The following ZNF787 variants were observed in gnomAD, a reference collection of about 807,000 sequenced individuals.
The protein encoded by ZNF787 is zinc finger protein 787, also known as TTF-I-interacting peptide 20.
In ZNF787, 7 loss-of-function variants were observed where a neutral mutation model predicts 16.9. The observed-to-expected ratio is 0.42, with a 90% CI of 0.24 to 0.78. The LOEUF is 0.78. Ranked by LOEUF, ZNF787 falls within the 30% of genes least tolerant of loss-of-function variation. The pLI, the probability that ZNF787 is intolerant of heterozygous loss-of-function variation, is 0.30. For synonymous variants in ZNF787, 345 were observed against 270.9 expected, an observed-to-expected ratio of 1.27 and a Z score of -2.69; for missense variants, 551 against 589.3, an observed-to-expected ratio of 0.94 and a Z score of 0.67.
intron 2 of ZNF787, among the ~76,000 whole-genome samples, chr19:56,092,001 G>A (rs1599939816): frequency 6.8e-6 from 1 of 147,738 alleles, no homozygotes; most frequent in African/African-American, 2.5e-5. Flanking sequence ...AAGCCAAACG[G>A]AAGCCAAAGC....
At chr19:56,099,421 G>A (rs1020968625) in intron 2 of ZNF787, among the ~76,000 whole-genome samples, 12 of 152,160 alleles carry the variant, frequency 7.9e-5, no homozygotes, top group Non-Finnish European at 1.8e-4. Flanking sequence ...GGGACAGAAA[G>A]GGGGAGTCAC....
chr19:56,088,128 G>C lies in ZNF787; in HGVS notation c.1044C>G (p.Ser348Arg), dbSNP rs1264538112. 2 of 1,551,558 alleles carry C rather than the reference G, an allele frequency of 1.3e-6. No individual in the cohort carries two copies. The highest frequency in any genetic ancestry group is 1.7e-6 in the Non-Finnish European group (2 of 1,154,682). ...CGCGGTAGTAGCTCTGTCCGCAGCT[G>C]CTGCAGACCGAGGGCGCGCCCACCG... is the stretch of plus-strand genomic sequence containing the variant. ...IHAVGAPSVC[S>R]SCGQSYYRAG... is the part of the protein sequence containing the mutation. The change falls in exon 3 of 3, where the codon AGC becomes AGG. Residue 348 changes from serine to arginine, a missense_variant. Physicochemically the swap from Ser to Arg is moderately radical, Grantham distance 110 (BLOSUM62 -1). This residue lies in a region of ZNF787 where 392 missense variants were observed against 312.7 expected (regional missense o/e 1.25). Transcript: ENST00000610935. This position sits in a 1 kb window ranked among gnomAD's most constrained non-coding sequence, Gnocchi z 8.6.
At chr19:56,107,462 A>AGGGTCACCGGGAGACACG (rs968468196) in intron 1 of ZNF787, among the ~76,000 whole-genome samples, 2 of 136,092 alleles carry the variant, frequency 1.5e-5, no homozygotes, top group Admixed American at 7.1e-5. Flanking sequence ...GGGAGAAACG[A>AGGGTCACCGGGAGACACG]GGGTCACCGG....
At chr19:56,109,855 G>C (rs1357944285) in intron 1 of ZNF787, among the ~76,000 whole-genome samples, 1 of 152,090 alleles carries the variant, frequency 6.6e-6, no homozygotes, top group Non-Finnish European at 1.5e-5. Context: ...CTGCACTCCA[G>C]CCTGGGCGAC....
chr19:56,108,417 AC>A (rs1283819241), intron 1 of ZNF787, among the ~76,000 whole-genome samples: 1 of 102,628 alleles, frequency 9.7e-6, no homozygotes, highest in African/African-American at 3.7e-5. Context: ...AGCTCCCTCC[AC>A]CCTGCCCCTG....
At chr19:56,100,601 G>A (rs1473621936) in intron 2 of ZNF787, among the ~76,000 whole-genome samples, 2 of 152,158 alleles carry the variant, frequency 1.3e-5, no homozygotes, top group East Asian at 3.8e-4. Context: ...ATAGGCTAGA[G>A]GAAAAGGGAC....
rs756078557 is a variant in ZNF787, at chr19:56,088,117, T to C, written c.1055A>G (p.Gln352Arg). 7.1e-6 allele frequency: 11 copies of C among 1,540,186 alleles called. No homozygotes were observed. The highest frequency in any genetic ancestry group is 5.4e-5 in the East Asian group (2 of 37,222). ...GAPSVCSSCG[Q>R]SYYRAGGEEE... The stretch of plus-strand genomic sequence containing the variant: ...CTCCCCGCCCGCGCGGTAGTAGCTC[T>C]GTCCGCAGCTGCTGCAGACCGAGGG... The change falls in exon 3 of 3, where the codon CAG (glutamine) becomes CGG (arginine). Residue 352 changes from glutamine (Q) to arginine (R), a missense_variant. By Grantham distance (43) the Gln-to-Arg change is conservative (BLOSUM62 1). Coordinates refer to ENST00000610935, the MANE Select transcript of ZNF787 (RefSeq NM_001002836.4). This position sits in a 1 kb window ranked among gnomAD's most constrained non-coding sequence, Gnocchi z 8.6.
At chr19:56,092,212 G>A (rs939997380) in intron 2 of ZNF787, among the ~76,000 whole-genome samples, 6 of 152,216 alleles carry the variant, frequency 3.9e-5, no homozygotes, top group African/African-American at 1.4e-4. Flanking sequence ...AAACAATGAG[G>A]GCCGGGGCCA....
chr19:56,094,187 C>CTTTTTTTT (rs572443571), intron 2 of ZNF787, among the ~76,000 whole-genome samples: 64 of 105,448 alleles, frequency 6.1e-4, no homozygotes, highest in Non-Finnish European at 7.9e-4. Flanking sequence ...TCATGCCCGG[C>CTTTTTTTT]TTTTTTTTTT....
chr19:56,090,889 G>A (rs540810164), intron 2 of ZNF787, among the ~76,000 whole-genome samples: 101 of 152,296 alleles, frequency 6.6e-4, no homozygotes, highest in African/African-American at 2.0e-3. Flanking sequence ...GTGCCGGGCC[G>A]GGCCTGTGCT....
intron 1 of ZNF787, 93 bp downstream of exon 1, chr19:56,121,079 C>T (rs1438826979): frequency 5.9e-5 from 8 of 134,898 alleles, no homozygotes; most frequent in Non-Finnish European, 8.1e-5. Flanking sequence ...CGCTCGCCCT[C>T]CAGTCTCCCC....
rs373828102 is a variant in ZNF787 at position 56,104,471 on chromosome 19, G to A, written c.-10-1244C>T. Among the ~76,000 whole-genome samples the A allele has an allele frequency of 4.9e-3, 669 of 137,542 alleles. 5 individuals carry two copies. Among genetic ancestry groups the A allele is most frequent in the Non-Finnish European group, 7.2e-3 (455 of 63,432 alleles). 90.2% of individuals were successfully genotyped at this position (137,542 alleles called of 152,430 possible). A position where few individuals can be genotyped will look rare whatever the true frequency, so the allele number is the denominator to read the frequency against. ...ACGCCGCCGACCCGTGCCACGCACC[G>A]GGAGGGTCCCTACGCACGCCGACCC... is the stretch of plus-strand genomic sequence containing the variant. On this transcript the variant is annotated intron_variant, in intron 1 of 2. Coordinates refer to ENST00000610935, the MANE Select transcript of ZNF787 (RefSeq NM_001002836.4).
chr19:56,100,515 C>A (rs528246681), intron 2 of ZNF787, among the ~76,000 whole-genome samples: 1 of 152,072 alleles, frequency 6.6e-6, no homozygotes, highest in Non-Finnish European at 1.5e-5. Context: ...CTCTGCCTGG[C>A]GGGCATGCTC....
At chr19:56,110,951 G>A (rs183540563) in intron 1 of ZNF787, among the ~76,000 whole-genome samples, 1 of 152,236 alleles carries the variant, frequency 6.6e-6, no homozygotes, top group Non-Finnish European at 1.5e-5. Context: ...GGGGGGTAGT[G>A]AGGCAGCCTA....
intron 1 of ZNF787, among the ~76,000 whole-genome samples, chr19:56,115,893 C>A (rs1208084832): frequency 6.6e-6 from 1 of 152,216 alleles, no homozygotes; most frequent in African/African-American, 2.4e-5. Flanking sequence ...GGTCTTAGGG[C>A]AGCCGAGTAA....
In ZNF787 at chr19:56,087,779, C is replaced by G. The variant is rs1258862910; in HGVS notation, c.*244G>C. On this transcript the variant is annotated 3_prime_UTR_variant, in exon 3 of 3. Transcript: ENST00000610935. ...CTCCATTGTCTCTCCGGCTCGCAGG[C>G]CGATAACTTAGGAAGGGCGGGCCAG... The G allele has an allele frequency of 3.8e-6, 2 of 529,268 alleles. No homozygotes were observed. The highest frequency in any genetic ancestry group is 4.0e-5 in the African/African-American group (2 of 49,812). The allele number at this position is 529,268 out of a possible 1,614,324, so 32.8% of individuals were successfully genotyped here. A position where few individuals can be genotyped will look rare whatever the true frequency, so the allele number is the denominator to read the frequency against.
chr19:56,091,924 G>GC (rs1568523338), intron 2 of ZNF787, among the ~76,000 whole-genome samples: 29 of 99,990 alleles, frequency 2.9e-4, no homozygotes, highest in South Asian at 1.9e-3. Context: ...AGCCGCAGCC[G>GC]AAGCCGAAGC....
intron 2 of ZNF787, chr19:56,102,640 G>C: frequency 2.1e-6 from 1 of 477,396 alleles, no homozygotes; most frequent in South Asian, 4.3e-5. Flanking sequence ...TCCCTGAAAA[G>C]TCTGCGTCAG....
chr19:56,109,022 G>A (rs2029903821), intron 1 of ZNF787, among the ~76,000 whole-genome samples: 1 of 152,158 alleles, frequency 6.6e-6, no homozygotes, highest in South Asian at 2.1e-4. Flanking sequence ...GGGGAGGTGG[G>A]TGGAGTCACC....
Sources: allele counts gnomAD v4.1 joint callset (sites outside exome capture counted in the v4.1 genomes callset), GRCh38; gene constraint gnomAD v4.1.1; regional missense constraint gnomAD v4.1.1; non-coding constraint Gnocchi (gnomAD v3.1); transcripts MANE v1.5; gene names NCBI Gene and HGNC (gene_info 2026-07-23, HGNC 2026-07-21).